The following CNTNAP2 variants were observed in gnomAD, a reference collection of about 807,000 sequenced individuals.
The protein encoded by CNTNAP2 is contactin-associated protein-like 2.
CNTNAP2 carries 98 observed loss-of-function variants against 155.2 expected under a neutral mutation model. The observed-to-expected ratio is 0.63, with a 90% CI of 0.54 to 0.75. The LOEUF is 0.75. CNTNAP2 is among the 30% of genes least tolerant of loss of function. The pLI is 0.00. For synonymous variants in CNTNAP2, 651 were observed against 631.2 expected, an observed-to-expected ratio of 1.03 and a Z score of -0.47; for missense variants, 1,727 against 1,688.1, an observed-to-expected ratio of 1.02 and a Z score of -0.40.
At chr7:147,168,225 T>C (rs1219876349) in intron 8 of CNTNAP2, among the ~76,000 whole-genome samples, 1 of 150,976 alleles carries the variant, frequency 6.6e-6, no homozygotes, top group Non-Finnish European at 1.5e-5. Flanking sequence ...CATATGCATG[T>C]CACTTGAAAA....
chr7:146,204,610 T>C (rs1294015615), intron 1 of CNTNAP2, among the ~76,000 whole-genome samples: 2 of 152,108 alleles, frequency 1.3e-5, no homozygotes, highest in Non-Finnish European at 2.9e-5. Context: ...GCCAGTCGTT[T>C]GTTGGTGGTG....
chr7:148,052,876 A>AT (rs1173301948), intron 15 of CNTNAP2, among the ~76,000 whole-genome samples: 1 of 152,116 alleles, frequency 6.6e-6, no homozygotes, highest in Non-Finnish European at 1.5e-5. Flanking sequence ...GTGAAACCTC[A>AT]TATCTAGTAA....
chr7:146,920,745 GTTAA>G (rs1796482549), intron 3 of CNTNAP2, among the ~76,000 whole-genome samples: 1 of 152,120 alleles, frequency 6.6e-6, no homozygotes, highest in Non-Finnish European at 1.5e-5. Context: ...GTGGATTTTA[GTTAA>G]TCTTTCACTT....
At chr7:146,648,106 C>G (rs558225856) in intron 1 of CNTNAP2, among the ~76,000 whole-genome samples, 275 of 152,274 alleles carry the variant, frequency 1.8e-3, no homozygotes, top group Non-Finnish European at 3.3e-3. Context: ...GTTGGACAAA[C>G]CTCTCTCATA....
At chr7:148,323,479 C>T (rs1797836980) in intron 21 of CNTNAP2, among the ~76,000 whole-genome samples, 1 of 150,626 alleles carries the variant, frequency 6.6e-6, no homozygotes, top group South Asian at 2.1e-4. Flanking sequence ...GCCTACTTTT[C>T]ACTTTGCTGA....
chr7:147,062,936 T>G (rs984782143), intron 4 of CNTNAP2, among the ~76,000 whole-genome samples: 1 of 152,196 alleles, frequency 6.6e-6, no homozygotes, highest in East Asian at 1.9e-4. Flanking sequence ...CAAAATATAA[T>G]TGATACTACT....
At chr7:147,750,940 T>C (rs1171390406) in intron 13 of CNTNAP2, among the ~76,000 whole-genome samples, 1 of 152,050 alleles carries the variant, frequency 6.6e-6, no homozygotes, top group Non-Finnish European at 1.5e-5. Flanking sequence ...CTCAGGAGGC[T>C]GAGGCAGCAG....
intron 15 of CNTNAP2, among the ~76,000 whole-genome samples, chr7:148,040,589 C>T (rs568841633): frequency 2.6e-5 from 4 of 152,344 alleles, no homozygotes; most frequent in South Asian, 2.1e-4. Flanking sequence ...TCCCACACCC[C>T]GCCTTTTTCC....
chr7:147,972,894 C>T (rs1422550183), intron 14 of CNTNAP2, among the ~76,000 whole-genome samples: 3 of 152,026 alleles, frequency 2.0e-5, no homozygotes, highest in Admixed American at 1.3e-4. Flanking sequence ...TCTCCAGAAA[C>T]CAAATTGGTT....
chr7:147,869,985 A>T (rs1799300625), intron 13 of CNTNAP2, among the ~76,000 whole-genome samples: 1 of 152,166 alleles, frequency 6.6e-6, no homozygotes, highest in Non-Finnish European at 1.5e-5. Context: ...GAGACATTAA[A>T]CTCACAACAC....
chr7:148,349,285 G>C (rs1198659993), intron 21 of CNTNAP2, among the ~76,000 whole-genome samples: 1 of 152,082 alleles, frequency 6.6e-6, no homozygotes, highest in Non-Finnish European at 1.5e-5. Context: ...AGGTATAATA[G>C]GAGTGTCCAA....
At chr7:146,916,064 T>C (rs531544842) in intron 3 of CNTNAP2, among the ~76,000 whole-genome samples, 2 of 152,324 alleles carry the variant, frequency 1.3e-5, no homozygotes, top group East Asian at 1.9e-4. Flanking sequence ...TTTCTGCATC[T>C]ATTGAGATGA....
chr7:147,196,471 C>G (rs908409892), intron 8 of CNTNAP2, among the ~76,000 whole-genome samples: 3 of 152,172 alleles, frequency 2.0e-5, no homozygotes, highest in Non-Finnish European at 4.4e-5. Flanking sequence ...ATTTTTGCCA[C>G]TGTCTTTTCT....
intron 1 of CNTNAP2, among the ~76,000 whole-genome samples, chr7:146,210,154 C>T (rs1799010959): frequency 6.6e-6 from 1 of 152,228 alleles, no homozygotes; most frequent in African/African-American, 2.4e-5. Flanking sequence ...TGAATATATG[C>T]ACTCTGGAGT....
intron 3 of CNTNAP2, among the ~76,000 whole-genome samples, chr7:147,039,273 A>C (rs1197581796): frequency 6.6e-6 from 1 of 152,126 alleles, no homozygotes; most frequent in East Asian, 1.9e-4. Flanking sequence ...GTAAACACTC[A>C]TGTGACAGGG....
intron 1 of CNTNAP2, among the ~76,000 whole-genome samples, chr7:146,409,382 G>A (rs1795836069): frequency 6.6e-6 from 1 of 152,104 alleles, no homozygotes. Context: ...AGTTTTAGTA[G>A]CAATTAAGTA....
At chr7:147,999,968 G>A (rs927399658) in intron 15 of CNTNAP2, among the ~76,000 whole-genome samples, 4 of 152,138 alleles carry the variant, frequency 2.6e-5, no homozygotes, top group Admixed American at 6.6e-5. Context: ...AATTTCTGTT[G>A]ATTTGAGCCA....
intron 1 of CNTNAP2, among the ~76,000 whole-genome samples, chr7:146,602,685 A>C (rs1798969637): frequency 6.6e-6 from 1 of 152,180 alleles, no homozygotes; most frequent in Non-Finnish European, 1.5e-5. Flanking sequence ...ACACATAGTG[A>C]TTTATTTCAG....
chr7:147,179,951 G>A (rs983112085), intron 8 of CNTNAP2, among the ~76,000 whole-genome samples: 3 of 152,186 alleles, frequency 2.0e-5, no homozygotes, highest in African/African-American at 7.2e-5. Flanking sequence ...TGAGTCCATA[G>A]GAACAGGTGT....
Sources: allele counts gnomAD v4.1 joint callset (sites outside exome capture counted in the v4.1 genomes callset), GRCh38; gene constraint gnomAD v4.1.1; transcripts MANE v1.5; gene names NCBI Gene and HGNC (gene_info 2026-07-23, HGNC 2026-07-21).